TTC3: variants seen among roughly 807,000 people sequenced by gnomAD.
The protein encoded by TTC3 is E3 ubiquitin-protein ligase TTC3.
In TTC3, 180 loss-of-function variants were observed where a neutral mutation model predicts 249.6. That is an observed-to-expected ratio of 0.72 (90% CI 0.64 to 0.82). The LOEUF is 0.82. Among genes scored for constraint, TTC3 ranks in the 40% least tolerant of loss-of-function variants. The pLI is 0.00. For synonymous variants in TTC3, 717 were observed against 805.0 expected (o/e 0.89, Z 1.85); for missense variants, 2,061 against 2,398.4 (o/e 0.86, Z 2.94).
At chr21:37,137,354 A>G (rs1161884084) in intron 18 of TTC3, among the ~76,000 whole-genome samples, 1 of 152,222 alleles carries the variant, frequency 6.6e-6, no homozygotes, top group Admixed American at 6.5e-5. Flanking sequence ...AAGAACATTC[A>G]TGATGCATGT....
intron 28 of TTC3, 133 bp from the exon 29 acceptor site, chr21:37,159,566 T>C (rs955926611): frequency 1.8e-5 from 18 of 1,005,018 alleles, no homozygotes; most frequent in Middle Eastern, 2.8e-4. Flanking sequence ...TAAACTACAC[T>C]TGTGTCAAAG....
chr21:37,165,633 A>C (rs1251866307), exon 33 of TTC3: 2 of 1,614,030 alleles, frequency 1.2e-6, no homozygotes, highest in African/African-American at 2.7e-5. Context: ...TTTTTCCCAG[A>C]AGAAACTCGA....
chr21:37,151,342 A>T (rs1351378537), intron 25 of TTC3, among the ~76,000 whole-genome samples: 1 of 152,136 alleles, frequency 6.6e-6, no homozygotes, highest in Non-Finnish European at 1.5e-5. Flanking sequence ...CTTTTTGTTT[A>T]GATCAAATAA....
chr21:37,193,293 G>T (rs2084421877), intron 41 of TTC3, among the ~76,000 whole-genome samples: 1 of 151,806 alleles, frequency 6.6e-6, no homozygotes, highest in Admixed American at 6.6e-5. Flanking sequence ...TTAGATCTCA[G>T]CCTGGCCTTG....
intron 34 of TTC3, among the ~76,000 whole-genome samples, chr21:37,168,431 G>A (rs948123759): frequency 4.7e-4 from 72 of 152,066 alleles, no homozygotes; most frequent in African/African-American, 1.7e-3. Context: ...ACCTATACTT[G>A]TATATAAAAA....
intron 16 of TTC3, 36 bp downstream of exon 16, chr21:37,129,099 T>C: frequency 6.9e-7 from 1 of 1,458,398 alleles, no homozygotes; most frequent in Non-Finnish European, 9.3e-7. Context: ...TTTTTCCCCT[T>C]AATATACTCT....
At chr21:37,137,096 C>T (rs984808104) in intron 18 of TTC3, among the ~76,000 whole-genome samples, 2 of 152,176 alleles carry the variant, frequency 1.3e-5, no homozygotes, top group Non-Finnish European at 2.9e-5. Flanking sequence ...TACTATTGCT[C>T]ATTGACAATG....
intron 11 of TTC3, among the ~76,000 whole-genome samples, chr21:37,111,546 C>T (rs190515213): frequency 6.6e-6 from 1 of 152,274 alleles, no homozygotes; most frequent in Admixed American, 6.5e-5. Context: ...CAGATTCATA[C>T]AGCAAGTCCT....
Position 37,191,323 on chromosome 21 carries a change from T to C in TTC3, c.5025-11T>C, listed in dbSNP as rs367751594. 16 of 1,569,706 alleles carry C rather than the reference T, an allele frequency of 1.0e-5. No individual in the cohort carries two copies. Among genetic ancestry groups the C allele is most frequent in the Admixed American group, 2.0e-5 (1 of 50,728 alleles). On this transcript the variant is annotated splice_polypyrimidine_tract_variant and intron_variant, in intron 39 of 45. Transcript: ENST00000355666. ...AAATTTCTAAAGCAGTTTTATATTA[T>C]ACTTTTTCAGTGATCCTGCAGCATA...
chr21:37,119,602 G>A (rs930421630), intron 11 of TTC3, among the ~76,000 whole-genome samples: 2 of 152,132 alleles, frequency 1.3e-5, no homozygotes, highest in African/African-American at 4.8e-5. Flanking sequence ...AACTGAGAGA[G>A]GCTGCCAGTC....
chr21:37,156,464 A>G (rs553121603), intron 27 of TTC3, among the ~76,000 whole-genome samples, 191 bp from the exon 28 acceptor site: 1 of 152,380 alleles, frequency 6.6e-6, no homozygotes, highest in South Asian at 2.1e-4. Context: ...TATTATAATT[A>G]GCCTAACAAT....
At chr21:37,138,216 A>C (rs1470597830) in intron 18 of TTC3, among the ~76,000 whole-genome samples, 1 of 152,286 alleles carries the variant, frequency 6.6e-6, no homozygotes, top group Admixed American at 6.5e-5. Context: ...GAAACCCACA[A>C]GTTTGTGAGA....
chr21:37,109,643 C>T (rs1290183225), intron 11 of TTC3, among the ~76,000 whole-genome samples: 5 of 152,338 alleles, frequency 3.3e-5, no homozygotes, highest in African/African-American at 1.2e-4. Context: ...GGGCAGGGCA[C>T]AGACAAACAA....
chr21:37,108,934 A>C (rs2075342480), intron 11 of TTC3, among the ~76,000 whole-genome samples: 1 of 152,218 alleles, frequency 6.6e-6, no homozygotes, highest in Non-Finnish European at 1.5e-5. Flanking sequence ...CACATATATA[A>C]CTGGTAGGAT....
chr21:37,145,276 A>C (rs997248384), intron 21 of TTC3, among the ~76,000 whole-genome samples: 1 of 152,246 alleles, frequency 6.6e-6, no homozygotes, highest in East Asian at 1.9e-4. Context: ...ACAGAAGTCA[A>C]CTTTTACAAC....
intron 10 of TTC3, among the ~76,000 whole-genome samples, chr21:37,102,764 A>C (rs1041474625): frequency 6.6e-6 from 1 of 152,188 alleles, no homozygotes; most frequent in Non-Finnish European, 1.5e-5. Context: ...GGAGAGGCTG[A>C]GGCGGATGGA....
chr21:37,166,817 A>G (rs2244185), intron 33 of TTC3, among the ~76,000 whole-genome samples: 124,017 of 152,198 alleles, frequency 0.81, 51,403 homozygotes, highest in East Asian at 0.99. Context: ...CTTGGGTCCA[A>G]TAAACAATAC....
chr21:37,087,969 CT>C, intron 3 of TTC3, 94 bp downstream of exon 3: 1 of 1,049,086 alleles, frequency 9.5e-7, no homozygotes, highest in East Asian at 2.5e-5. Flanking sequence ...ATTTATATGC[CT>C]TTTAAAAATG....
chr21:37,169,076 A>G (rs1008673410), intron 34 of TTC3, among the ~76,000 whole-genome samples: 11 of 308 alleles, frequency 0.036, no homozygotes, highest in African/African-American at 0.11. Flanking sequence ...GTCACAAATT[A>G]TCACTTCTGC....
Sources: allele counts gnomAD v4.1 joint callset (sites outside exome capture counted in the v4.1 genomes callset), GRCh38; gene constraint gnomAD v4.1.1; transcripts MANE v1.5; gene names NCBI Gene and HGNC (gene_info 2026-07-23, HGNC 2026-07-21).